The following ERFE variants were observed in gnomAD, a reference collection of about 807,000 sequenced individuals.
ERFE encodes complement C1q tumor necrosis factor-related protein 15.
A neutral mutation model predicts 26.6 loss-of-function variants in ERFE; 25 were observed. The observed-to-expected ratio is 0.94, with a 90% CI of 0.69 to 1.31. The LOEUF (loss-of-function observed/expected upper bound fraction) is 1.31, where lower values mean the gene tolerates loss of function less well. Among genes scored for constraint, ERFE ranks in the 40% most tolerant of loss-of-function variants. ERFE has a pLI of 0.00. For synonymous variants in ERFE, 206 were observed against 204.5 expected (o/e 1.01, Z -0.06); for missense variants, 447 against 440.2 (o/e 1.02, Z -0.14).
At position 238,163,825 on chromosome 2, in the gene ERFE, G is replaced by C. The variant is rs913664670; in HGVS notation, c.513G>C (p.Ser171=). The part of the protein sequence containing the change: ...GPVAASLAPV[S]ATAGEDDDDV... ...TCGCTGCGAGCCTCGCCCCGGTCTC[G>C]GCCACCGCCGGGGAGGACGACGACG... Residue 171 remains serine, a synonymous_variant, in exon 4 of 8, where the codon TCG becomes TCC. Coordinates refer to ENST00000546354, the MANE Select transcript of ERFE (RefSeq NM_001291832.2). 2.3e-6 allele frequency: 3 copies of C among 1,327,602 alleles called. No individual in the cohort carries two copies. The highest frequency in any genetic ancestry group is 3.1e-5 in the African/African-American group (2 of 64,886). 82.2% of individuals were successfully genotyped at this position (1,327,602 alleles called of 1,614,324 possible).
rs1327794918 is a variant in ERFE, at chr2:238,164,303, GC to G, written c.835del (p.Arg279GlyfsTer37). On this transcript the variant is annotated frameshift_variant, in exon 6 of 8. Coordinates refer to ENST00000546354, the MANE Select transcript of ERFE (RefSeq NM_001291832.2). LOFTEE classifies it high-confidence loss of function. ...LGEPPRRGPPRPRDHLRLLIC... is the reference protein window; with the variant it reads ...LGEPPRRGPPXPRDHLRLLIC... Reference sequence around the variant, plus strand: ...GAGCCGCCGAGGAGGGGGCCGCCGCGCCCCCGGGACCACCTGCGCCTGCTCA... The same window carrying G: ...GAGCCGCCGAGGAGGGGGCCGCCGCGCCCCGGGACCACCTGCGCCTGCTCA... The G allele has an allele frequency of 3.3e-6, 5 of 1,517,614 alleles. No individual in the cohort carries two copies. Among genetic ancestry groups the G allele is most frequent in the Admixed American group, 4.1e-5 (2 of 48,962 alleles). The allele number at this position is 1,517,614 out of a possible 1,614,324, so 94.0% of individuals were successfully genotyped here. A position where few individuals can be genotyped will look rare whatever the true frequency, so the allele number is the denominator to read the frequency against.
At position 238,167,439 on chromosome 2, in the gene ERFE, T is replaced by C. The variant is rs1402745081; in HGVS notation, c.*385T>C. 2 of 493,316 alleles carry C rather than the reference T, an allele frequency of 4.1e-6. No individual in the cohort carries two copies. The highest frequency in any genetic ancestry group is 7.9e-6 in the Non-Finnish European group (2 of 251,610). The allele number at this position is 493,316 out of a possible 1,614,324, so 30.6% of individuals were successfully genotyped here. On this transcript the variant is annotated 3_prime_UTR_variant, in exon 8 of 8. Transcript: ENST00000546354. Reference sequence around the variant, plus strand: ...TTTTCCACCTCTCTTCATGTTCTCATGGAGTGCAAAGTGCACCAGCCAGGG... The same window carrying C: ...TTTTCCACCTCTCTTCATGTTCTCACGGAGTGCAAAGTGCACCAGCCAGGG...
At position 238,167,268 on chromosome 2, in the gene ERFE, G is replaced by A. The variant is rs535362987; in HGVS notation, c.*214G>A. The stretch of plus-strand genomic sequence containing the variant: ...GGTCCCGGAGCCAGGGTTGATTCAG[G>A]ACACCATCTTGGGCTCTTATCCAGG... On this transcript the variant is annotated 3_prime_UTR_variant, in exon 8 of 8. Transcript: ENST00000546354. 2.2e-4 allele frequency: 155 copies of A among 704,824 alleles called. No individual in the cohort carries two copies. The highest frequency in any genetic ancestry group is 2.0e-3 in the African/African-American group (116 of 57,422). The allele number at this position is 704,824 out of a possible 1,614,324, so 43.7% of individuals were successfully genotyped here.
rs1692995036 is a variant in ERFE, at chr2:238,164,282, C to T, written c.809C>T (p.Pro270Leu). ...CCCTCCCCCGCAGCGCTCGGGGAGC[C>T]GCCGAGGAGGGGGCCGCCGCGCCCC... is the stretch of plus-strand genomic sequence containing the variant. The part of the protein sequence containing the change: ...AATLHVALGE[P>L]PRRGPPRPRD... The change falls in exon 6 of 8, where the codon CCG (proline) becomes CTG (leucine). Residue 270 changes from proline to leucine, a missense_variant. By Grantham distance (98) the Pro-to-Leu change is moderately conservative. Coordinates refer to ENST00000546354, the MANE Select transcript of ERFE (RefSeq NM_001291832.2). 2 of 1,511,366 alleles carry T rather than the reference C, an allele frequency of 1.3e-6. No homozygotes were observed. The highest frequency in any genetic ancestry group is 1.2e-5 in the South Asian group (1 of 81,966). 93.6% of individuals were successfully genotyped at this position (1,511,366 alleles called of 1,614,324 possible). A position where few individuals can be genotyped will look rare whatever the true frequency, so the allele number is the denominator to read the frequency against.
At chr2:238,164,989 G>C (rs1433848771) in intron 6 of ERFE, among the ~76,000 whole-genome samples, 1 of 152,062 alleles carries the variant, frequency 6.6e-6, no homozygotes, top group Non-Finnish European at 1.5e-5. Context: ...TTTCATCTTG[G>C]GGCTCGAAGC....
At position 238,168,432 on chromosome 2, in the gene ERFE, C is replaced by A; in HGVS notation, c.*1378C>A. 1 of 471,102 alleles carries A rather than the reference C, an allele frequency of 2.1e-6. No homozygotes were observed. Among genetic ancestry groups the A allele is most frequent in the Non-Finnish European group, 4.4e-6 (1 of 227,002 alleles). 29.2% of individuals were successfully genotyped at this position (471,102 alleles called of 1,614,324 possible). A position where few individuals can be genotyped will look rare whatever the true frequency, so the allele number is the denominator to read the frequency against. On this transcript the variant is annotated 3_prime_UTR_variant, in exon 8 of 8. Transcript: ENST00000546354. Reference sequence around the variant, plus strand: ...GCCAAGCTGGTCTGGCAAGGGCGCTCAGGCCTGGGAGAGAAGGGAGCAATG... The same window carrying A: ...GCCAAGCTGGTCTGGCAAGGGCGCTAAGGCCTGGGAGAGAAGGGAGCAATG...
rs1161103466 is a variant in ERFE at position 238,164,297 on chromosome 2, C to T, written c.824C>T (p.Pro275Leu). The T allele has an allele frequency of 6.6e-6, 10 of 1,518,430 alleles. No homozygotes were observed. The highest frequency in any genetic ancestry group is 2.0e-5 in the Admixed American group (1 of 49,224). 94.1% of individuals were successfully genotyped at this position (1,518,430 alleles called of 1,614,324 possible). The change falls in exon 6 of 8, where the codon CCG becomes CTG. Residue 275 changes from proline to leucine, a missense_variant. By Grantham distance (98) the Pro-to-Leu change is moderately conservative. Coordinates refer to ENST00000546354, the MANE Select transcript of ERFE (RefSeq NM_001291832.2). ...VALGEPPRRG[P>L]PRPRDHLRLL... ...CTCGGGGAGCCGCCGAGGAGGGGGC[C>T]GCCGCGCCCCCGGGACCACCTGCGC... is the stretch of plus-strand genomic sequence containing the variant.
intron 7 of ERFE, among the ~76,000 whole-genome samples, chr2:238,166,748 G>A (rs922829115): frequency 2.0e-5 from 3 of 152,252 alleles, no homozygotes; most frequent in Admixed American, 6.5e-5. Flanking sequence ...ACTGTAGGGC[G>A]CTGCAGGGAA....
intron 2 of ERFE, 46 bp from the exon 3 acceptor site, chr2:238,162,690 C>T (rs1410399095): frequency 3.9e-6 from 5 of 1,276,702 alleles, no homozygotes; most frequent in East Asian, 2.5e-5. Flanking sequence ...TGCTGTGGCT[C>T]CCAGCCTGCT....
At position 238,163,895 on chromosome 2, in the gene ERFE, C is replaced by CCGGGGCCG. The variant is rs1247409936; in HGVS notation, c.588_595dup (p.Ala199GlyfsTer47). 1 of 1,319,604 alleles carries CCGGGGCCG rather than the reference C, an allele frequency of 7.6e-7. No individual in the cohort carries two copies. Among genetic ancestry groups the CCGGGGCCG allele is most frequent in the Non-Finnish European group, 9.6e-7 (1 of 1,043,782 alleles). The allele number at this position is 1,319,604 out of a possible 1,614,324, so 81.7% of individuals were successfully genotyped here. The stretch of plus-strand genomic sequence containing the variant: ...GGCACTGCTGGCCGCGCCCCTGGCC[C>CCGGGGCCG]CGGGGCCGCGGGCGCCGCGCGTGGA... On this transcript the variant is annotated frameshift_variant, in exon 4 of 8. Coordinates refer to ENST00000546354, the MANE Select transcript of ERFE (RefSeq NM_001291832.2). LOFTEE classifies it high-confidence loss of function.
At chr2:238,164,435 C>A in intron 6 of ERFE, 75 bp downstream of exon 6, 1 of 1,425,732 alleles carries the variant, frequency 7.0e-7, no homozygotes, top group Non-Finnish European at 9.6e-7. Context: ...TAAACAGGCA[C>A]TGGACGGGGC....
At position 238,167,750 on chromosome 2, in the gene ERFE, C is replaced by T; in HGVS notation, c.*696C>T. 1 of 290,022 alleles carries T rather than the reference C, an allele frequency of 3.4e-6. No individual in the cohort carries two copies. Among genetic ancestry groups the T allele is most frequent in the Non-Finnish European group, 6.8e-6 (1 of 146,590 alleles). The allele number at this position is 290,022 out of a possible 1,614,324, so 18.0% of individuals were successfully genotyped here. On this transcript the variant is annotated 3_prime_UTR_variant, in exon 8 of 8. Transcript: ENST00000546354. ...TGTGTGCAAGATTAACTCACAAATT[C>T]ACCTCAGAAGGCCTTTCCAAATGGG...
intron 1 of ERFE, among the ~76,000 whole-genome samples, chr2:238,160,637 C>A (rs1692924813): frequency 6.6e-6 from 1 of 152,226 alleles, no homozygotes; most frequent in Non-Finnish European, 1.5e-5. Flanking sequence ...AACACCCTGG[C>A]CTGCGCATTG....
chr2:238,167,683 C>A lies in ERFE; in HGVS notation c.*629C>A. ...GGGCCAGAGGGGCACTGGACAAGGG[C>A]CTTTGGGGGACAGTAAGTCTGGGCC... On this transcript the variant is annotated 3_prime_UTR_variant, in exon 8 of 8. Transcript: ENST00000546354. 1 of 344,706 alleles carries A rather than the reference C, an allele frequency of 2.9e-6. No individual in the cohort carries two copies. Among genetic ancestry groups the A allele is most frequent in the South Asian group, 2.2e-5 (1 of 44,908 alleles). 21.4% of individuals were successfully genotyped at this position (344,706 alleles called of 1,614,324 possible).
chr2:238,161,779 C>T (rs928288514), intron 2 of ERFE, 63 bp downstream of exon 2: 10 of 1,488,142 alleles, frequency 6.7e-6, no homozygotes, highest in African/African-American at 1.4e-5. Context: ...TCCTCATCCA[C>T]TCCCACTCCT....
At chr2:238,159,603 CAA>C (rs1215775087) in intron 1 of ERFE, among the ~76,000 whole-genome samples, 1 of 152,210 alleles carries the variant, frequency 6.6e-6, no homozygotes, top group Non-Finnish European at 1.5e-5. Context: ...ATCTGGAAAA[CAA>C]AAAGTGTTTT....
chr2:238,162,688 C>T (rs1246263382), intron 2 of ERFE, 48 bp from the exon 3 acceptor site: 1 of 1,244,154 alleles, frequency 8.0e-7, no homozygotes, highest in Non-Finnish European at 1.2e-6. Flanking sequence ...GATGCTGTGG[C>T]TCCCAGCCTG....
chr2:238,162,756 T>A lies in ERFE; in HGVS notation c.342T>A (p.Pro114=). Residue 114 remains proline, a synonymous_variant, in exon 3 of 8, where the codon CCT becomes CCA. Coordinates refer to ENST00000546354, the MANE Select transcript of ERFE (RefSeq NM_001291832.2). ...TTCAGTTCGGCTTGCCAGGGCCCCC[T>A]GGGCCTCCCGGTCCCCAGGGCCCCC... The part of the protein sequence containing the change: ...KKLKFGLPGP[P]GPPGPQGPPG... The A allele has an allele frequency of 6.5e-7, 1 of 1,549,304 alleles. No homozygotes were observed. Among genetic ancestry groups the A allele is most frequent in the Non-Finnish European group, 8.7e-7 (1 of 1,145,884 alleles).
At chr2:238,162,881 G>T in intron 3 of ERFE, 43 bp downstream of exon 3, 5 of 1,479,716 alleles carry the variant, frequency 3.4e-6, no homozygotes, top group Non-Finnish European at 4.6e-6. Flanking sequence ...CCCGCTGTGA[G>T]CAGGGCCTGG....
Sources: gnomAD v4.1 joint callset for allele counts (sites outside exome capture counted in the v4.1 genomes callset) on GRCh38, gnomAD v4.1.1 for gene constraint, MANE v1.5 for transcripts, NCBI Gene and HGNC (gene_info 2026-07-23, HGNC 2026-07-21) for gene names.